The following WDR93 variants were observed in gnomAD, a reference collection of about 807,000 sequenced individuals.
The protein encoded by WDR93 is WD repeat domain 93.
A neutral mutation model predicts 82.9 loss-of-function variants in WDR93; 73 were observed. The observed-to-expected ratio is 0.88, with a 90% CI of 0.73 to 1.07. The LOEUF (loss-of-function observed/expected upper bound fraction) is 1.07, where lower values mean the gene tolerates loss of function less well. WDR93 is among the 50% of genes least tolerant of loss of function. WDR93 has a pLI of 0.00. For missense variants in WDR93, 738 were observed against 826.0 expected (o/e 0.89, Z 1.31); for synonymous variants, 283 against 300.1 (o/e 0.94, Z 0.59).
chr15:89,712,385 T>C (rs1966020857), intron 5 of WDR93, among the ~76,000 whole-genome samples: 1 of 132,928 alleles, frequency 7.5e-6, no homozygotes, highest in Non-Finnish European at 1.6e-5. Context: ...TTCACTAGTT[T>C]TTCCACTAAT....
At chr15:89,710,374 A>G (rs1965920818) in intron 4 of WDR93, among the ~76,000 whole-genome samples, 1 of 152,218 alleles carries the variant, frequency 6.6e-6, no homozygotes, top group African/African-American at 2.4e-5. Flanking sequence ...AAACTTAAGA[A>G]CAGGCGAAAT....
chr15:89,693,990 A>G (rs1174917550), intron 1 of WDR93, among the ~76,000 whole-genome samples: 2 of 152,208 alleles, frequency 1.3e-5, no homozygotes, highest in African/African-American at 4.8e-5. Flanking sequence ...TTTCCAAACC[A>G]GTTGTACTAT....
intron 16 of WDR93, among the ~76,000 whole-genome samples, chr15:89,738,575 C>T (rs1456841294): frequency 4.2e-5 from 6 of 142,810 alleles, no homozygotes; most frequent in African/African-American, 1.6e-4. Context: ...TGCAGTGAGC[C>T]AAGATCGCAC....
intron 15 of WDR93, 150 bp from the exon 16 acceptor site, chr15:89,737,891 G>A: frequency 1.5e-6 from 2 of 1,304,606 alleles, no homozygotes; most frequent in Non-Finnish European, 2.1e-6. Context: ...TAGATAAAAT[G>A]CCAGCAGGGT....
intron 5 of WDR93, among the ~76,000 whole-genome samples, chr15:89,713,724 C>A (rs777752262): frequency 1.3e-5 from 2 of 152,072 alleles, no homozygotes; most frequent in African/African-American, 2.4e-5. Context: ...CCGCCCGCCT[C>A]GGCCTCTGAA....
chr15:89,701,816 G>C lies in WDR93; in HGVS notation c.70G>C (p.Glu24Gln). ...HPIGTRKGPL[E>Q]VPPPTEKDWP... ...CATTGGTACACGAAAGGGACCATTG[G>C]AGGTGCCACCCCCAACAGAGAAGGA... The change falls in exon 2 of 17, where the codon GAG (glutamate) becomes CAG (glutamine). Residue 24 changes from glutamate to glutamine, a missense_variant. Transcript: ENST00000268130. 6.2e-7 allele frequency: 1 copy of C among 1,614,136 alleles called. No homozygotes were observed. Among genetic ancestry groups the C allele is most frequent in the Non-Finnish European group, 8.5e-7 (1 of 1,180,028 alleles).
At chr15:89,695,813 C>CTTTTTTTT (rs58664153) in intron 1 of WDR93, among the ~76,000 whole-genome samples, 4 of 99,310 alleles carry the variant, frequency 4.0e-5, no homozygotes, top group Non-Finnish European at 7.6e-5. Context: ...TCATGCTGTC[C>CTTTTTTTT]TTTTTTTTTT....
chr15:89,727,082 A>G (rs971434002), intron 8 of WDR93, 75 bp from the exon 9 acceptor site: 2 of 1,497,994 alleles, frequency 1.3e-6, no homozygotes, highest in Admixed American at 1.9e-5. Context: ...AGCTGGGAAG[A>G]GTGGAAGAAG....
At chr15:89,695,037 T>C (rs190330506) in intron 1 of WDR93, among the ~76,000 whole-genome samples, 1 of 152,318 alleles carries the variant, frequency 6.6e-6, no homozygotes, top group African/African-American at 2.4e-5. Flanking sequence ...CATTGATCTG[T>C]TTGTTTATTT....
At chr15:89,697,746 G>C (rs1268197729) in intron 1 of WDR93, among the ~76,000 whole-genome samples, 1 of 152,104 alleles carries the variant, frequency 6.6e-6, no homozygotes, top group Non-Finnish European at 1.5e-5. Flanking sequence ...TGAAATCTCT[G>C]ACTATAATTG....
At chr15:89,737,096 G>T (rs1967262360) in intron 14 of WDR93, among the ~76,000 whole-genome samples, 1 of 152,150 alleles carries the variant, frequency 6.6e-6, no homozygotes, top group African/African-American at 2.4e-5. Flanking sequence ...CGGCCAAAGG[G>T]GACTTTCTAA....
chr15:89,736,473 AAG>A (rs1300983919), intron 14 of WDR93, among the ~76,000 whole-genome samples: 1 of 152,102 alleles, frequency 6.6e-6, no homozygotes, highest in East Asian at 1.9e-4. Flanking sequence ...CCCCTTGTTA[AAG>A]AGAGGGAGTG....
chr15:89,695,624 A>G (rs1434100397), intron 1 of WDR93, among the ~76,000 whole-genome samples: 2 of 152,190 alleles, frequency 1.3e-5, no homozygotes, highest in African/African-American at 2.4e-5. Flanking sequence ...TAGAAATACA[A>G]TCAGTTTTTG....
chr15:89,717,045 CTTTTT>C lies in WDR93; in HGVS notation c.795+114_795+118del, dbSNP rs11457156. 6.8e-3 allele frequency: 1,162 copies of C among 171,812 alleles called. 3 individuals carry two copies. Among genetic ancestry groups the C allele is most frequent in the African/African-American group, 0.042 (672 of 15,924 alleles). The allele number at this position is 171,812 out of a possible 1,614,324, so 10.6% of individuals were successfully genotyped here. On this transcript the variant is annotated intron_variant, in intron 7 of 16. Coordinates refer to ENST00000268130, the MANE Select transcript of WDR93 (RefSeq NM_020212.2). ...TTTTTCTTTTCTTTTCTTTTTCTTT[CTTTTT>C]TTTTTTTTTTTTTTTTTGAGACAGA...
At chr15:89,724,765 G>C (rs145552984) in intron 8 of WDR93, among the ~76,000 whole-genome samples, 1 of 152,180 alleles carries the variant, frequency 6.6e-6, no homozygotes. Flanking sequence ...GTGAAGTAGC[G>C]TAACACATTC....
upstream of WDR93, chr15:89,690,733 AG>A (rs1411374782): frequency 6.6e-5 from 53 of 804,578 alleles, no homozygotes; most frequent in South Asian, 8.3e-4. Context: ...TTATCCGCTG[AG>A]GGGGAGGGGC....
chr15:89,743,515 G>A lies in WDR93; in HGVS notation c.*124G>A, dbSNP rs1967838541. Reference sequence around the variant, plus strand: ...TCCACAGGCCTGCACTCGGAGTCTGGGGCCTCTGCAGAGCCAGCAAGGGGA... The same window carrying A: ...TCCACAGGCCTGCACTCGGAGTCTGAGGCCTCTGCAGAGCCAGCAAGGGGA... On this transcript the variant is annotated 3_prime_UTR_variant, in exon 17 of 17. Transcript: ENST00000268130. 2.3e-6 allele frequency: 2 copies of A among 883,490 alleles called. No homozygotes were observed. Among genetic ancestry groups the A allele is most frequent in the East Asian group, 2.6e-5 (1 of 37,976 alleles). The allele number at this position is 883,490 out of a possible 1,614,324, so 54.7% of individuals were successfully genotyped here. A position where few individuals can be genotyped will look rare whatever the true frequency, so the allele number is the denominator to read the frequency against.
At chr15:89,694,754 A>G (rs1048101336) in intron 1 of WDR93, among the ~76,000 whole-genome samples, 2 of 152,202 alleles carry the variant, frequency 1.3e-5, no homozygotes, top group Admixed American at 6.5e-5. Context: ...TATCTAGGAA[A>G]TCTTTGTCTA....
At chr15:89,692,063 T>A (rs1284821053) in intron 1 of WDR93, among the ~76,000 whole-genome samples, 1 of 152,182 alleles carries the variant, frequency 6.6e-6, no homozygotes, top group Non-Finnish European at 1.5e-5. Flanking sequence ...TGGTTTCTGG[T>A]GCCCACCTGC....
Sources: allele counts gnomAD v4.1 joint callset (sites outside exome capture counted in the v4.1 genomes callset), GRCh38; gene constraint gnomAD v4.1.1; transcripts MANE v1.5; gene names NCBI Gene and HGNC (gene_info 2026-07-23, HGNC 2026-07-21).